The following NLRP12 variants were observed in gnomAD, a reference collection of about 807,000 sequenced individuals.
NLRP12 encodes NLR family pyrin domain containing 12.
NLRP12 carries 108 observed loss-of-function variants against 91.2 expected under a neutral mutation model. The ratio of observed to expected loss-of-function variants is 1.18; its 90% CI spans 1.01 to 1.39. The LOEUF is 1.39. Ranked by LOEUF, NLRP12 falls within the 40% of genes most tolerant of loss-of-function variation. The pLI is 0.00. For missense variants in NLRP12, 1,530 were observed against 1,352.7 expected (o/e 1.13, Z -2.06); for synonymous variants, 613 against 566.7 (o/e 1.08, Z -1.16).
At chr19:53,798,808 C>T (rs1027665766) in intron 7 of NLRP12, among the ~76,000 whole-genome samples, 1 of 152,088 alleles carries the variant, frequency 6.6e-6, no homozygotes, top group Non-Finnish European at 1.5e-5. Context: ...ATGGTGCAAT[C>T]TCGGCTCACT....
At chr19:53,823,130 T>TACACAC (rs369913535) in intron 1 of NLRP12, among the ~76,000 whole-genome samples, 25 of 146,094 alleles carry the variant, frequency 1.7e-4, no homozygotes, top group East Asian at 7.9e-4. Context: ...TACACATATA[T>TACACAC]ACACATATAT....
At chr19:53,796,261 G>A in intron 8 of NLRP12, 1 of 495,652 alleles carries the variant, frequency 2.0e-6, no homozygotes, top group Non-Finnish European at 3.8e-6. Context: ...TTTTATTTTT[G>A]TTTTGTTTGA....
chr19:53,812,954 C>T (rs1054742874), intron 2 of NLRP12, among the ~76,000 whole-genome samples: 4 of 147,736 alleles, frequency 2.7e-5, no homozygotes, highest in African/African-American at 1.0e-4. Flanking sequence ...GATCTAGGCT[C>T]ACTGCAAACT....
In NLRP12 at chr19:53,809,682, G is replaced by C; in HGVS notation, c.1977C>G (p.Ser659Arg). 2 of 1,614,082 alleles carry C rather than the reference G, an allele frequency of 1.2e-6. No homozygotes were observed. Among genetic ancestry groups the C allele is most frequent in the Admixed American group, 1.7e-5 (1 of 60,000 alleles). The stretch of plus-strand genomic sequence containing the variant: ...CGCCATACAAGTGCAGCACCTGGGC[G>C]CTCCTGCAGCGCTTCAGACAGAACG... The part of the protein sequence containing the change: ...VSSFCLKRCR[S>R]AQVLHLYGAT... Residue 659 changes from serine (S) to arginine (R), a missense_variant, in exon 3 of 10, where the codon AGC becomes AGG. Ser to Arg is a moderately radical substitution (Grantham distance 110, BLOSUM62 -1). Coordinates refer to ENST00000324134, the MANE Select transcript of NLRP12 (RefSeq NM_144687.4).
At chr19:53,813,545 G>GC (rs983980709) in intron 2 of NLRP12, among the ~76,000 whole-genome samples, 37 of 151,990 alleles carry the variant, frequency 2.4e-4, no homozygotes, top group African/African-American at 8.2e-4. Flanking sequence ...CTCATGATCT[G>GC]CCCGCCTGAG....
In NLRP12 at chr19:53,807,681, AC is replaced by A; in HGVS notation, c.2073-17del. The A allele has an allele frequency of 6.2e-7, 1 of 1,614,078 alleles. No homozygotes were observed. Among genetic ancestry groups the A allele is most frequent in the Admixed American group, 1.7e-5 (1 of 60,004 alleles). On this transcript the variant is annotated splice_polypyrimidine_tract_variant and intron_variant, in intron 3 of 9. Coordinates refer to ENST00000324134, the MANE Select transcript of NLRP12 (RefSeq NM_144687.4). Reference sequence around the variant, plus strand: ...CCTCTCTGGTCTGCTTGAAGGAAAGACAGGCCACTCTCTGGTGTTACTGGTG... The same window carrying A: ...CCTCTCTGGTCTGCTTGAAGGAAAGAAGGCCACTCTCTGGTGTTACTGGTG...
chr19:53,813,860 G>A lies in NLRP12; in HGVS notation c.370+1048C>T, dbSNP rs557377349. Among the ~76,000 whole-genome samples, 6 of 148,060 alleles carry A rather than the reference G, an allele frequency of 4.1e-5. No homozygotes were observed. In the East Asian group the frequency reaches 9.9e-4, roughly 24 times the overall value. On this transcript the variant is annotated intron_variant, in intron 2 of 9. Transcript: ENST00000324134. ...AAGTTTCCATGCCCAGCTAATGTTC[G>A]ATTTTTTGTTTTTTTTTGTAGAGAT...
intron 1 of NLRP12, among the ~76,000 whole-genome samples, chr19:53,822,452 G>T (rs1333916423): frequency 1.3e-5 from 2 of 151,828 alleles, no homozygotes; most frequent in African/African-American, 4.8e-5. Flanking sequence ...CCTCATCTTG[G>T]CCGGGCACAG....
At position 53,824,178 on chromosome 19, in the gene NLRP12, G is replaced by T. The variant is rs1443055332; in HGVS notation, c.-4C>A. 6.2e-7 allele frequency: 1 copy of T among 1,613,768 alleles called. No homozygotes were observed. On this transcript the variant is annotated 5_prime_UTR_variant, in exon 1 of 10. Coordinates refer to ENST00000324134, the MANE Select transcript of NLRP12 (RefSeq NM_144687.4). The stretch of plus-strand genomic sequence containing the variant: ...CCCTGCCTGCGGTTCGTAGCATGGG[G>T]GTGCCGTGAGCCCCAAAGGAGAGGA...
chr19:53,798,913 T>C (rs1461348923), intron 7 of NLRP12, among the ~76,000 whole-genome samples: 1 of 152,102 alleles, frequency 6.6e-6, no homozygotes, highest in Non-Finnish European at 1.5e-5. Context: ...GGCTAATTTT[T>C]GTATTTTTAG....
chr19:53,801,454 T>TC lies in NLRP12; in HGVS notation c.2586-58_2586-57insG, dbSNP rs1251448926. The TC allele has an allele frequency of 1.6e-5, 24 of 1,498,824 alleles. No homozygotes were observed. The East Asian group carries it at 2.2e-4, about 14-fold the overall frequency. The allele number at this position is 1,498,824 out of a possible 1,614,324, so 92.8% of individuals were successfully genotyped here. A position where few individuals can be genotyped will look rare whatever the true frequency, so the allele number is the denominator to read the frequency against. On this transcript the variant is annotated intron_variant, in intron 6 of 9. Coordinates refer to ENST00000324134, the MANE Select transcript of NLRP12 (RefSeq NM_144687.4). ...GAGGCTTTCCTTTCTTTTTCTTTTT[T>TC]TTTTTTTTTTTTTTTGAGACAGAGT... is the stretch of plus-strand genomic sequence containing the variant.
intron 6 of NLRP12, among the ~76,000 whole-genome samples, chr19:53,802,307 A>G (rs2091888343): frequency 6.6e-6 from 1 of 152,190 alleles, no homozygotes; most frequent in African/African-American, 2.4e-5. Context: ...ACAAATGGCC[A>G]AAAAGCACCT....
rs768447330 is a variant in NLRP12 at position 53,805,333 on chromosome 19, C to CA, written c.2360dup (p.Met787IlefsTer45). The CA allele has an allele frequency of 3.3e-5, 53 of 1,614,014 alleles. No individual in the cohort carries two copies. Among genetic ancestry groups the CA allele is most frequent in the Middle Eastern group, 1.6e-4 (1 of 6,084 alleles). ...GCCGCAGGCCCTCGCAAAGCAGCAT[C>CA]ATGCCTGGGAATCCAACGCCGTTGC... On this transcript the variant is annotated frameshift_variant, in exon 5 of 10. Transcript: ENST00000324134. LOFTEE classifies it high-confidence loss of function.
At chr19:53,813,338 T>A (rs976451623) in intron 2 of NLRP12, among the ~76,000 whole-genome samples, 3 of 140,436 alleles carry the variant, frequency 2.1e-5, no homozygotes, top group Non-Finnish European at 4.6e-5. Context: ...AGTCTTGCTC[T>A]GTCACCTGGG....
Position 53,811,248 on chromosome 19 carries a change from G to A in NLRP12, c.411C>T (p.Phe137=), listed in dbSNP as rs1438042635. The change falls in exon 3 of 10, where the codon TTC becomes TTT. Residue 137 remains phenylalanine, a synonymous_variant. Coordinates refer to ENST00000324134, the MANE Select transcript of NLRP12 (RefSeq NM_144687.4). Reference sequence around the variant, plus strand: ...GCGCATTGCGGTCTTCCATGAGCCGGAATTTCCTGCGGACATAGTCCCTGT... The same window carrying A: ...GCGCATTGCGGTCTTCCATGAGCCGAAATTTCCTGCGGACATAGTCCCTGT... The part of the protein sequence containing the change: ...ETYRDYVRRK[F]RLMEDRNARL... 2 of 1,614,022 alleles carry A rather than the reference G, an allele frequency of 1.2e-6. No individual in the cohort carries two copies.
At chr19:53,807,014 GC>G (rs896231424) in intron 4 of NLRP12, among the ~76,000 whole-genome samples, 2 of 152,000 alleles carry the variant, frequency 1.3e-5, no homozygotes, top group African/African-American at 4.8e-5. Flanking sequence ...ACTTCCAGCA[GC>G]CCCCCACCTG....
intron 8 of NLRP12, among the ~76,000 whole-genome samples, chr19:53,796,525 G>A (rs10426385): frequency 0.053 from 8,074 of 152,030 alleles, 315 homozygotes; most frequent in South Asian, 0.18. Context: ...GGGATTACAG[G>A]CATGAGCCAC....
At chr19:53,821,965 A>G (rs1391524359) in intron 1 of NLRP12, among the ~76,000 whole-genome samples, 1 of 152,218 alleles carries the variant, frequency 6.6e-6, no homozygotes, top group East Asian at 1.9e-4. Context: ...ACATGGACGC[A>G]GCTGGAGGCC....
intron 2 of NLRP12, among the ~76,000 whole-genome samples, chr19:53,814,291 T>C (rs536017373): frequency 2.4e-4 from 36 of 152,280 alleles, no homozygotes; most frequent in Non-Finnish European, 5.0e-4. Context: ...TCCCCAGTAC[T>C]GACCAGTGGG....
Sources: allele counts gnomAD v4.1 joint callset (sites outside exome capture counted in the v4.1 genomes callset), GRCh38; gene constraint gnomAD v4.1.1; transcripts MANE v1.5; gene names NCBI Gene and HGNC (gene_info 2026-07-23, HGNC 2026-07-21).